The following ROBO1 variants were observed in gnomAD, a reference collection of about 807,000 sequenced individuals.
The protein encoded by ROBO1 is roundabout guidance receptor 1.
In ROBO1, 149 loss-of-function variants were observed where a neutral mutation model predicts 195.9. The ratio of observed to expected loss-of-function variants is 0.76; its 90% CI spans 0.67 to 0.87. The LOEUF is 0.87. ROBO1 is among the 40% of genes least tolerant of loss of function. The pLI is 0.00. For synonymous variants in ROBO1, 816 were observed against 733.2 expected (o/e 1.11, Z -1.82); for missense variants, 1,933 against 2,068.3 (o/e 0.93, Z 1.27).
intron 3 of ROBO1, among the ~76,000 whole-genome samples, chr3:78,970,646 T>A (rs944926457): frequency 6.6e-6 from 1 of 152,240 alleles, no homozygotes; most frequent in South Asian, 2.1e-4. Context: ...CTAACCATAA[T>A]AGTAGAATAA....
At chr3:79,724,524 T>G (rs888441594) in intron 1 of ROBO1, among the ~76,000 whole-genome samples, 1 of 152,190 alleles carries the variant, frequency 6.6e-6, no homozygotes, top group Non-Finnish European at 1.5e-5. Context: ...CAGACTCCCT[T>G]TATTATCTTC....
chr3:79,184,005 A>G (rs1411459389), intron 2 of ROBO1, among the ~76,000 whole-genome samples: 2 of 152,216 alleles, frequency 1.3e-5, no homozygotes, highest in Non-Finnish European at 2.9e-5. Context: ...ATGCTTTTCT[A>G]TGCTTCAAGT....
intron 2 of ROBO1, among the ~76,000 whole-genome samples, chr3:79,551,184 TA>T (rs1368570024): frequency 1.3e-5 from 2 of 151,974 alleles, no homozygotes; most frequent in African/African-American, 2.4e-5. Flanking sequence ...AACTTTTTTT[TA>T]AATTTTAATT....
intron 2 of ROBO1, among the ~76,000 whole-genome samples, chr3:79,243,666 C>T (rs1357209210): frequency 6.6e-6 from 1 of 152,122 alleles, no homozygotes; most frequent in East Asian, 1.9e-4. Flanking sequence ...CCTTCGCCCA[C>T]TTTTTGATGG....
At chr3:79,016,522 C>T (rs753371088) in intron 3 of ROBO1, among the ~76,000 whole-genome samples, 2 of 152,132 alleles carry the variant, frequency 1.3e-5, no homozygotes, top group Non-Finnish European at 2.9e-5. Context: ...AATTGCAATC[C>T]TCAGATATCT....
intron 3 of ROBO1, among the ~76,000 whole-genome samples, chr3:78,995,296 C>G (rs1283489039): frequency 6.6e-6 from 1 of 152,072 alleles, no homozygotes; most frequent in Non-Finnish European, 1.5e-5. Flanking sequence ...TGCACAAATC[C>G]AAAGGGTGAT....
intron 3 of ROBO1, among the ~76,000 whole-genome samples, chr3:79,026,799 C>A (rs2078210891): frequency 6.6e-6 from 1 of 152,034 alleles, no homozygotes; most frequent in African/African-American, 2.4e-5. Flanking sequence ...TGACACCCTC[C>A]ATAGCCTTAC....
intron 3 of ROBO1, among the ~76,000 whole-genome samples, chr3:79,014,899 C>T (rs1349276495): frequency 1.3e-5 from 2 of 152,170 alleles, no homozygotes; most frequent in Non-Finnish European, 2.9e-5. Context: ...ATAGTCTTCA[C>T]TGAGAAGCTG....
chr3:79,097,801 A>G (rs1204264164), intron 3 of ROBO1, among the ~76,000 whole-genome samples: 1 of 151,656 alleles, frequency 6.6e-6, no homozygotes, highest in African/African-American at 2.4e-5. Context: ...ATATTCTATT[A>G]TATATGTTAT....
intron 1 of ROBO1, among the ~76,000 whole-genome samples, chr3:79,661,394 C>T (rs1356195203): frequency 1.3e-5 from 2 of 152,106 alleles, no homozygotes; most frequent in African/African-American, 4.8e-5. Flanking sequence ...TGCAATTCTG[C>T]ACGACTACTG....
intron 2 of ROBO1, among the ~76,000 whole-genome samples, chr3:79,520,796 T>G (rs896605816): frequency 2.6e-5 from 4 of 151,520 alleles, no homozygotes; most frequent in African/African-American, 9.7e-5. Context: ...GTCTCTTGGT[T>G]CAAAAATAGT....
intron 2 of ROBO1, among the ~76,000 whole-genome samples, chr3:79,191,330 T>C (rs1050818494): frequency 6.6e-6 from 1 of 151,492 alleles, no homozygotes; most frequent in Admixed American, 6.6e-5. Context: ...GAAGAAGACA[T>C]GAATAACTCA....
intron 3 of ROBO1, among the ~76,000 whole-genome samples, chr3:79,028,292 A>G (rs1223746585): frequency 1.3e-5 from 2 of 151,862 alleles, no homozygotes; most frequent in African/African-American, 4.8e-5. Flanking sequence ...CTTTGCATAT[A>G]AAGACTTTTT....
At chr3:78,741,126 T>C (rs2108254106) in intron 5 of ROBO1, among the ~76,000 whole-genome samples, 1 of 152,294 alleles carries the variant, frequency 6.6e-6, no homozygotes, top group African/African-American at 2.4e-5. Context: ...TTTTATTTCA[T>C]AAGCACATTT....
intron 2 of ROBO1, among the ~76,000 whole-genome samples, chr3:79,575,584 T>TTATA (rs914589935): frequency 8.4e-5 from 12 of 142,056 alleles, no homozygotes; most frequent in African/African-American, 3.1e-4. Flanking sequence ...ATAACAAATT[T>TTATA]TATATATATA....
chr3:79,309,735 T>A (rs1463249455), intron 2 of ROBO1, among the ~76,000 whole-genome samples: 1 of 152,180 alleles, frequency 6.6e-6, no homozygotes, highest in Non-Finnish European at 1.5e-5. Flanking sequence ...GAGAAACATG[T>A]CTCTTTTTAC....
chr3:79,062,162 A>C (rs1401866482), intron 3 of ROBO1, among the ~76,000 whole-genome samples: 1 of 151,990 alleles, frequency 6.6e-6, no homozygotes, highest in African/African-American at 2.4e-5. Context: ...GAGAAAAAAA[A>C]CAAACCCATC....
At chr3:78,882,201 C>G (rs1236823209) in intron 4 of ROBO1, among the ~76,000 whole-genome samples, 3 of 151,962 alleles carry the variant, frequency 2.0e-5, no homozygotes, top group Non-Finnish European at 2.9e-5. Context: ...GAAGGTGGAA[C>G]AAGAATGGCC....
At chr3:79,066,950 A>G (rs2079013043) in intron 3 of ROBO1, among the ~76,000 whole-genome samples, 2 of 151,968 alleles carry the variant, frequency 1.3e-5, no homozygotes, top group African/African-American at 4.8e-5. Flanking sequence ...GTACAGGAGC[A>G]GTAACAACTA....
Sources: allele counts gnomAD v4.1 joint callset (sites outside exome capture counted in the v4.1 genomes callset), GRCh38; gene constraint gnomAD v4.1.1; transcripts MANE v1.5; gene names NCBI Gene and HGNC (gene_info 2026-07-23, HGNC 2026-07-21).